The following SLCO2B1 variants were observed in gnomAD, a reference collection of about 807,000 sequenced individuals.
SLCO2B1 encodes the protein OATP-RP2.
A neutral mutation model predicts 67.3 loss-of-function variants in SLCO2B1; 41 were observed. The ratio of observed to expected loss-of-function variants is 0.61; its 90% CI spans 0.47 to 0.79. SLCO2B1 has a LOEUF of 0.79. SLCO2B1 is among the 30% of genes least tolerant of loss of function. The pLI is 0.00. For synonymous variants in SLCO2B1, 379 were observed against 381.4 expected, an observed-to-expected ratio of 0.99 and a Z score of 0.07; for missense variants, 837 against 920.1, an observed-to-expected ratio of 0.91 and a Z score of 1.17.
At chr11:75,168,189 G>A (rs1949915753) in intron 4 of SLCO2B1, among the ~76,000 whole-genome samples, 1 of 152,130 alleles carries the variant, frequency 6.6e-6, no homozygotes, top group Non-Finnish European at 1.5e-5. Context: ...CACAGCGCCT[G>A]GCCAAATTTT....
At position 75,204,541 on chromosome 11, in the gene SLCO2B1, G is replaced by T; in HGVS notation, c.2091G>T (p.Val697=). The change falls in exon 14 of 14, where the codon GTG becomes GTT. Residue 697 remains valine (V), a synonymous_variant. Coordinates refer to ENST00000289575, the MANE Select transcript of SLCO2B1 (RefSeq NM_007256.5). ...SSPAVEQQLL[V]SGPGKKPEDS... ...CTGCCGTAGAGCAGCAATTGCTAGT[G>T]TCGGGGCCAGGGAAGAAGCCAGAGG... 1.9e-6 allele frequency: 3 copies of T among 1,612,800 alleles called. No homozygotes were observed. The highest frequency in any genetic ancestry group is 2.5e-6 in the Non-Finnish European group (3 of 1,179,508).
chr11:75,187,113 T>A (rs548965165), intron 7 of SLCO2B1, among the ~76,000 whole-genome samples: 1 of 152,354 alleles, frequency 6.6e-6, no homozygotes, highest in South Asian at 2.1e-4. Flanking sequence ...CTCCAAGTTG[T>A]TGGTAGGGAC....
intron 10 of SLCO2B1, 131 bp from the exon 11 acceptor site, chr11:75,200,093 G>A (rs1945159246): frequency 1.1e-6 from 1 of 913,974 alleles, no homozygotes; most frequent in Non-Finnish European, 1.6e-6. Flanking sequence ...CACGATCTCG[G>A]ACTCCCAGCC....
intron 10 of SLCO2B1, among the ~76,000 whole-genome samples, chr11:75,196,889 G>A (rs1041427056): frequency 1.6e-4 from 25 of 152,218 alleles, no homozygotes; most frequent in African/African-American, 5.8e-4. Context: ...CAACACTTTG[G>A]GAGGCCGAGG....
chr11:75,196,203 A>G (rs990914907), intron 9 of SLCO2B1: 3 of 275,594 alleles, frequency 1.1e-5, no homozygotes, highest in African/African-American at 6.6e-5. Flanking sequence ...TGAGGGAAAG[A>G]TACTCCTCAT....
intron 7 of SLCO2B1, among the ~76,000 whole-genome samples, chr11:75,175,799 G>A (rs528373891): frequency 7.2e-5 from 11 of 152,318 alleles, no homozygotes; most frequent in African/African-American, 2.4e-4. Context: ...AAGGCCAGAT[G>A]CAGAGAGACA....
At chr11:75,186,333 C>T (rs183485276) in intron 7 of SLCO2B1, among the ~76,000 whole-genome samples, 2 of 151,852 alleles carry the variant, frequency 1.3e-5, no homozygotes. Context: ...CTCAGCCCCC[C>T]TAGTAGCTGG....
chr11:75,201,393 G>A (rs950573546), intron 11 of SLCO2B1: 3 of 152,110 alleles, frequency 2.0e-5, no homozygotes, highest in Admixed American at 1.3e-4. Context: ...GAAGTGTGGG[G>A]GTATTTTCCC....
At chr11:75,166,937 T>C (rs1949900074) in intron 4 of SLCO2B1, among the ~76,000 whole-genome samples, 1 of 152,222 alleles carries the variant, frequency 6.6e-6, no homozygotes, top group Non-Finnish European at 1.5e-5. Flanking sequence ...AGTCCCACTC[T>C]GTACCAGACC....
At chr11:75,176,910 A>G (rs1253322038) in intron 7 of SLCO2B1, among the ~76,000 whole-genome samples, 2 of 152,110 alleles carry the variant, frequency 1.3e-5, no homozygotes, top group East Asian at 1.9e-4. Context: ...AGGGTTAAAG[A>G]CCTGTCCAGA....
At position 75,205,168 on chromosome 11, in the gene SLCO2B1, G is replaced by C. The variant is rs147102547; in HGVS notation, c.*588G>C. The stretch of plus-strand genomic sequence containing the variant: ...CTGGACCCTGGGTAGACTCCCACAG[G>C]GAGGACGGAGCTGGCCTCAGGAGTG... On this transcript the variant is annotated 3_prime_UTR_variant, in exon 14 of 14. Coordinates refer to ENST00000289575, the MANE Select transcript of SLCO2B1 (RefSeq NM_007256.5). 1 of 152,514 alleles carries C rather than the reference G, an allele frequency of 6.6e-6. No homozygotes were observed. Among genetic ancestry groups the C allele is most frequent in the African/African-American group, 2.4e-5 (1 of 41,590 alleles). The allele number at this position is 152,514 out of a possible 1,614,324, so 9.4% of individuals were successfully genotyped here.
chr11:75,196,045 A>G (rs1410468342), intron 9 of SLCO2B1, among the ~76,000 whole-genome samples: 1 of 152,234 alleles, frequency 6.6e-6, no homozygotes, highest in Non-Finnish European at 1.5e-5. Flanking sequence ...CAGGATGGCC[A>G]TGACAGGCAG....
At position 75,176,758 on chromosome 11, in the gene SLCO2B1, C is replaced by T. The variant is rs78431206; in HGVS notation, c.972+4189C>T. Among the ~76,000 whole-genome samples the T allele has an allele frequency of 1.8e-3, 281 of 152,320 alleles. 2 individuals carry two copies. Among genetic ancestry groups the T allele is most frequent in the African/African-American group, 6.6e-3 (273 of 41,574 alleles). On this transcript the variant is annotated intron_variant, in intron 7 of 13. Transcript: ENST00000289575. The stretch of plus-strand genomic sequence containing the variant: ...AGGGATTTGCCCAGCCAGGAGGCCT[C>T]CATTTCCCTGGGACTTTGTGTCTCC...
Position 75,175,037 on chromosome 11 carries a change from G to A in SLCO2B1, c.972+2468G>A, listed in dbSNP as rs375647418. ...TATGATTCAGATACTCAGATTTTAA[G>A]AGCTGTGTCTCTATGATGCTTTGAA... On this transcript the variant is annotated intron_variant, in intron 7 of 13. Transcript: ENST00000289575. Among the ~76,000 whole-genome samples the A allele has an allele frequency of 3.0e-4, 46 of 152,304 alleles. 1 individual carries two copies. The highest frequency in any genetic ancestry group is 1.1e-3 in the African/African-American group (45 of 41,564).
At chr11:75,153,031 C>T (rs1008307188) in intron 1 of SLCO2B1, among the ~76,000 whole-genome samples, 3 of 152,220 alleles carry the variant, frequency 2.0e-5, no homozygotes, top group Non-Finnish European at 2.9e-5. Context: ...CCTTAGGCAG[C>T]AGTTTCCCTG....
At chr11:75,190,755 C>T (rs1945009932) in intron 8 of SLCO2B1, among the ~76,000 whole-genome samples, 1 of 152,118 alleles carries the variant, frequency 6.6e-6, no homozygotes, top group Non-Finnish European at 1.5e-5. Flanking sequence ...AGAACCTGTT[C>T]TATTTGACAG....
chr11:75,195,847 C>T (rs913153817), intron 9 of SLCO2B1, among the ~76,000 whole-genome samples: 1 of 152,188 alleles, frequency 6.6e-6, no homozygotes, highest in Non-Finnish European at 1.5e-5. Flanking sequence ...CCTCCCTGCC[C>T]TCCTCCCAGG....
intron 7 of SLCO2B1, among the ~76,000 whole-genome samples, chr11:75,182,621 A>T (rs534351072): frequency 6.6e-6 from 1 of 152,220 alleles, no homozygotes; most frequent in East Asian, 1.9e-4. Flanking sequence ...GTGTGCTTGT[A>T]GTCTCAGCTA....
In SLCO2B1 at chr11:75,172,373, T is replaced by C; in HGVS notation, c.782-6T>C. The C allele has an allele frequency of 6.2e-7, 1 of 1,610,738 alleles. No homozygotes were observed. On this transcript the variant is annotated splice_region_variant and splice_polypyrimidine_tract_variant and intron_variant, in intron 6 of 13. Coordinates refer to ENST00000289575, the MANE Select transcript of SLCO2B1 (RefSeq NM_007256.5). Reference sequence around the variant, plus strand: ...ACCCTAATGTCACCATGCTCTTCTCTTCCAGGTGGTATCAGCCTGACCATA... The same window carrying C: ...ACCCTAATGTCACCATGCTCTTCTCCTCCAGGTGGTATCAGCCTGACCATA...
Sources: allele counts gnomAD v4.1 joint callset (sites outside exome capture counted in the v4.1 genomes callset), GRCh38; gene constraint gnomAD v4.1.1; transcripts MANE v1.5; gene names NCBI Gene and HGNC (gene_info 2026-07-23, HGNC 2026-07-21).